The following PPL variants were observed in gnomAD, a reference collection of about 807,000 sequenced individuals.
The protein encoded by PPL is 190 kDa paraneoplastic pemphigus antigen.
A neutral mutation model predicts 194.4 loss-of-function variants in PPL; 198 were observed. The observed-to-expected ratio is 1.02, with a 90% CI of 0.91 to 1.15. PPL has a LOEUF of 1.15. PPL is among the 50% of genes most tolerant of loss of function. The probability of loss-of-function intolerance (pLI) is 0.00; values close to 1 mark genes in which losing one functional copy is unlikely to be tolerated. For missense variants in PPL, 2,885 were observed against 2,294.8 expected, an observed-to-expected ratio of 1.26 and a Z score of -5.25; for synonymous variants, 1,220 against 972.4, an observed-to-expected ratio of 1.25 and a Z score of -4.74.
At chr16:4,918,166 A>G (rs896755143) in intron 1 of PPL, among the ~76,000 whole-genome samples, 3 of 151,614 alleles carry the variant, frequency 2.0e-5, no homozygotes, top group Non-Finnish European at 4.4e-5. Flanking sequence ...GATGGCAGGT[A>G]CCTGTAATCC....
intron 12 of PPL, 103 bp downstream of exon 12, chr16:4,894,364 C>G (rs919496769): frequency 2.8e-6 from 4 of 1,444,828 alleles, no homozygotes; most frequent in Non-Finnish European, 3.7e-6. Context: ...AGCGACCCCG[C>G]GCTCCCCACA....
At chr16:4,913,622 C>T (rs1429658669) in intron 1 of PPL, among the ~76,000 whole-genome samples, 1 of 152,188 alleles carries the variant, frequency 6.6e-6, no homozygotes, top group African/African-American at 2.4e-5. Flanking sequence ...GCTGCAACCT[C>T]CACTTCTTGG....
In PPL at chr16:4,899,057, C is replaced by A; in HGVS notation, c.832G>T (p.Asp278Tyr). ...GGGTGCTCGGCCGCCAGCAGCTGGT[C>A]GCCCTCGCTGTGCAGTTTGTTGATT... ...ERINKLHSEGDQLLAAEHPGR... is the reference protein window; with the variant it reads ...ERINKLHSEGYQLLAAEHPGR... Residue 278 changes from aspartate (D) to tyrosine (Y), a missense_variant, in exon 8 of 22, where the codon GAC (aspartate) becomes TAC (tyrosine). Physicochemically the swap from Asp to Tyr is radical, Grantham distance 160. Transcript: ENST00000345988. 2 of 1,609,662 alleles carry A rather than the reference C, an allele frequency of 1.2e-6. No individual in the cohort carries two copies. Among genetic ancestry groups the A allele is most frequent in the South Asian group, 2.2e-5 (2 of 91,008 alleles).
In PPL at chr16:4,904,674, CAG is replaced by C. The variant is rs200345000; in HGVS notation, c.163-636_163-635del. On this transcript the variant is annotated intron_variant, in intron 2 of 21. Coordinates refer to ENST00000345988, the MANE Select transcript of PPL (RefSeq NM_002705.5). ...AAGGTCTCTGTGGATAGGGAGGAAA[CAG>C]GGCAGGCGGGGGGCGGGGAGGGTGA... Among the ~76,000 whole-genome samples the C allele has an allele frequency of 3.0e-4, 45 of 152,254 alleles. 1 individual carries two copies. The East Asian group carries it at 7.9e-3, about 27-fold the overall frequency.
Position 4,884,247 on chromosome 16 carries a change from G to A in PPL, c.4408C>T (p.Gln1470Ter), listed in dbSNP as rs2088165770. The A allele has an allele frequency of 1.2e-6, 2 of 1,613,310 alleles. No individual in the cohort carries two copies. The highest frequency in any genetic ancestry group is 1.1e-5 in the South Asian group (1 of 91,068). Reference protein sequence around the residue: ...ALLRLQLEEEQHRRQLLEGEL... With the variant: ...ALLRLQLEEE ...CCCTCCAGGAGCTGCCGCCGGTGCT[G>A]CTCTTCTTCCAGCTGGAGTCGGAGC... Residue 1470 changes from glutamine to a stop codon, truncating the protein, a stop_gained, in exon 22 of 22, where the codon CAG becomes TAG. Transcript: ENST00000345988. LOFTEE classifies it high-confidence loss of function. This position sits in a 1 kb window ranked among gnomAD's most constrained non-coding sequence, Gnocchi z 5.7.
rs762686618 is a variant in PPL at position 4,903,877 on chromosome 16, GGGACCTACTCCTC to G, written c.313_317+8del. 1 of 1,613,692 alleles carries G rather than the reference GGGACCTACTCCTC, an allele frequency of 6.2e-7. No individual in the cohort carries two copies. Among genetic ancestry groups the G allele is most frequent in the Non-Finnish European group, 8.5e-7 (1 of 1,179,940 alleles). On this transcript the variant is annotated splice_donor_variant and splice_donor_5th_base_variant and coding_sequence_variant and intron_variant, in exon 3 of 22. Coordinates refer to ENST00000345988, the MANE Select transcript of PPL (RefSeq NM_002705.5). LOFTEE classifies it high-confidence loss of function. ...GGCTCCCCTGGGGTAAGAAGCAGAA[GGGACCTACTCCTC>G]GGCGATCATGTCCCCCTGTGGGTGC...
rs1417668180 is a variant in PPL, at chr16:4,893,302, G to T, written c.1561C>A (p.Gln521Lys). 1 of 1,606,912 alleles carries T rather than the reference G, an allele frequency of 6.2e-7. No homozygotes were observed. Among genetic ancestry groups the T allele is most frequent in the Non-Finnish European group, 8.5e-7 (1 of 1,179,048 alleles). Reference sequence around the variant, plus strand: ...AGGATCCCTGTGATGGCCTTCTCCTGCCGGTCCAGGTCGCTGGCCACCTTG... The same window carrying T: ...AGGATCCCTGTGATGGCCTTCTCCTTCCGGTCCAGGTCGCTGGCCACCTTG... ...LDKVASDLDR[Q>K]EKAITGILRP... is the part of the protein sequence containing the mutation. Residue 521 changes from glutamine to lysine, a missense_variant, in exon 14 of 22, where the codon CAG (glutamine) becomes AAG (lysine). By Grantham distance (53) the Gln-to-Lys change is moderately conservative. Transcript: ENST00000345988.
In PPL at chr16:4,886,021, C is replaced by A. The variant is rs1409429747; in HGVS notation, c.2634G>T (p.Glu878Asp). The A allele has an allele frequency of 6.2e-7, 1 of 1,613,890 alleles. No individual in the cohort carries two copies. Among genetic ancestry groups the A allele is most frequent in the East Asian group, 2.2e-5 (1 of 44,886 alleles). The stretch of plus-strand genomic sequence containing the variant: ...AGTCCGGCCTATTCCTTTGCAGGGT[C>A]TCATGGGTCACTTCTACTTCCGGCT... ...RQQPEVEVTH[E>D]TLQRNRPDSG... The change falls in exon 22 of 22, where the codon GAG (glutamate) becomes GAT (aspartate). Residue 878 changes from glutamate (E) to aspartate (D), a missense_variant. Transcript: ENST00000345988.
At position 4,885,419 on chromosome 16, in the gene PPL, C is replaced by T. The variant is rs368703445; in HGVS notation, c.3236G>A (p.Arg1079His). Residue 1079 changes from arginine to histidine, a missense_variant, in exon 22 of 22, where the codon CGC (arginine) becomes CAC (histidine). Arg to His is a conservative substitution (Grantham distance 29). Transcript: ENST00000345988. This position sits in a 1 kb window ranked among gnomAD's most constrained non-coding sequence, Gnocchi z 6.3. ...EYQQLQEDHQ[R>H]QDQLREKQEE... ...CTGCTTCTCCCTGAGCTGGTCCTGGCGCTGGTGGTCCTCCTGCAGCTGCTG... is the reference window on the plus strand; with the variant it reads ...CTGCTTCTCCCTGAGCTGGTCCTGGTGCTGGTGGTCCTCCTGCAGCTGCTG... The T allele has an allele frequency of 1.2e-5, 19 of 1,612,626 alleles. No individual in the cohort carries two copies. Among genetic ancestry groups the T allele is most frequent in the African/African-American group, 1.1e-4 (8 of 75,008 alleles).
intron 21 of PPL, 151 bp downstream of exon 21, chr16:4,886,984 T>A (rs1264984918): frequency 1.5e-6 from 1 of 677,878 alleles, no homozygotes. Context: ...AGTAGAAGCA[T>A]TGGCTCGGGC....
rs375213809 is a variant in PPL, at chr16:4,893,838, T to C, written c.1395-200A>G. 1.0e-5 allele frequency: 6 copies of C among 576,458 alleles called. No homozygotes were observed. In the Admixed American group the frequency reaches 1.3e-4, roughly 12 times the overall value. The allele number at this position is 576,458 out of a possible 1,614,324, so 35.7% of individuals were successfully genotyped here. On this transcript the variant is annotated intron_variant, in intron 12 of 21. Coordinates refer to ENST00000345988, the MANE Select transcript of PPL (RefSeq NM_002705.5). ...CTCTTCTCCCTCCTTCCCTCCTCTT[T>C]CGTAGGAAGTCTCACTACCTAAAAT...
At position 4,904,017 on chromosome 16, in the gene PPL, A is replaced by G; in HGVS notation, c.186T>C (p.Gly62=). The change falls in exon 3 of 22, where the codon GGT becomes GGC. Residue 62 remains glycine (G), a synonymous_variant. Transcript: ENST00000345988. The part of the protein sequence containing the change: ...MQSDLARLQE[G]RQPEHRDVTL... ...TCACGTCCCGGTGCTCAGGCTGCCGACCCTCCTGCAGCCGAGCCAGGTCCT... is the reference window on the plus strand; with the variant it reads ...TCACGTCCCGGTGCTCAGGCTGCCGGCCCTCCTGCAGCCGAGCCAGGTCCT... The G allele has an allele frequency of 6.2e-7, 1 of 1,610,624 alleles. No homozygotes were observed. The highest frequency in any genetic ancestry group is 8.5e-7 in the Non-Finnish European group (1 of 1,179,480).
chr16:4,883,692 G>T lies in PPL; in HGVS notation c.4963C>A (p.Arg1655=). 6.2e-7 allele frequency: 1 copy of T among 1,614,050 alleles called. No individual in the cohort carries two copies. The highest frequency in any genetic ancestry group is 8.5e-7 in the Non-Finnish European group (1 of 1,180,000). ...GGGTGGATGACTACGATGGAGCGCC[G>T]CAGGTGGTTCTCCCGCTGCTCCCGC... ...VKREQRENHL[R]RSIVVIHPDT... Residue 1655 remains arginine, a synonymous_variant, in exon 22 of 22, where the codon CGG becomes AGG. Coordinates refer to ENST00000345988, the MANE Select transcript of PPL (RefSeq NM_002705.5). The surrounding 1 kb of genome is among the most constrained non-coding windows in gnomAD (Gnocchi z 4.8).
At chr16:4,930,154 C>T (rs575220671) in intron 1 of PPL, among the ~76,000 whole-genome samples, 1 of 152,318 alleles carries the variant, frequency 6.6e-6, no homozygotes, top group South Asian at 2.1e-4. Flanking sequence ...CACACATCCC[C>T]GTCACCTTCT....
Position 4,895,375 on chromosome 16 carries a change from G to A in PPL, c.1128C>T (p.Asp376=), listed in dbSNP as rs759197873. Residue 376 remains aspartate, a synonymous_variant, in exon 11 of 22, where the codon GAC becomes GAT. Transcript: ENST00000345988. The part of the protein sequence containing the change: ...DQEKVLDKYE[D]VVQGLQKRGQ... Reference sequence around the variant, plus strand: ...CTCGCTTCTGCAGCCCCTGCACCACGTCCTCATACTTGTCCAGCACCTTCT... The same window carrying A: ...CTCGCTTCTGCAGCCCCTGCACCACATCCTCATACTTGTCCAGCACCTTCT... The A allele has an allele frequency of 5.0e-6, 8 of 1,613,410 alleles. No individual in the cohort carries two copies. The highest frequency in any genetic ancestry group is 2.2e-5 in the South Asian group (2 of 91,082).
In PPL at chr16:4,890,819, G is replaced by T; in HGVS notation, c.2071C>A (p.Gln691Lys). 6.3e-7 allele frequency: 1 copy of T among 1,589,476 alleles called. No homozygotes were observed. Among genetic ancestry groups the T allele is most frequent in the Admixed American group, 1.8e-5 (1 of 56,646 alleles). ...CGCTCCAGGTCCGGACAGTGCTCCT[G>T]GAAGCGGCTGGCCAGTGTGCTCGAG... ...QCSSTLASRF[Q>K]EHCPDLERQE... Residue 691 changes from glutamine to lysine, a missense_variant, in exon 17 of 22, where the codon CAG (glutamine) becomes AAG (lysine). Gln to Lys is a moderately conservative substitution (Grantham distance 53). Transcript: ENST00000345988.
At chr16:4,894,433 T>C (rs369471987) in intron 12 of PPL, 34 bp downstream of exon 12, 1 of 1,609,886 alleles carries the variant, frequency 6.2e-7, no homozygotes. Flanking sequence ...GGGGTGGGAC[T>C]GGTCCATGCA....
chr16:4,914,152 T>C (rs939989692), intron 1 of PPL, among the ~76,000 whole-genome samples: 1 of 151,990 alleles, frequency 6.6e-6, no homozygotes, highest in Non-Finnish European at 1.5e-5. Flanking sequence ...GAGAGGCAGG[T>C]CCTGGCACGT....
intron 18 of PPL, among the ~76,000 whole-genome samples, chr16:4,889,621 T>C (rs995455614): frequency 2.0e-5 from 3 of 152,140 alleles, no homozygotes; most frequent in African/African-American, 7.2e-5. Flanking sequence ...AGGAAACAAA[T>C]GTTTACTGAT....
Sources: gnomAD v4.1 joint callset for allele counts (sites outside exome capture counted in the v4.1 genomes callset) on GRCh38, gnomAD v4.1.1 for gene constraint, Gnocchi (gnomAD v3.1) non-coding constraint, MANE v1.5 for transcripts, NCBI Gene and HGNC (gene_info 2026-07-23, HGNC 2026-07-21) for gene names.